The following CACNB2 variants were observed in gnomAD, a reference collection of about 807,000 sequenced individuals.
CACNB2 encodes the protein calcium voltage-gated channel auxiliary subunit beta 2.
A neutral mutation model predicts 73.3 loss-of-function variants in CACNB2; 42 were observed. The ratio of observed to expected loss-of-function variants is 0.57; its 90% CI spans 0.45 to 0.74. The LOEUF is 0.74. Ranked by LOEUF, CACNB2 falls within the 30% of genes least tolerant of loss-of-function variation. The probability of loss-of-function intolerance (pLI) is 0.00; values close to 1 mark genes in which losing one functional copy is unlikely to be tolerated. For missense variants in CACNB2, 940 were observed against 853.0 expected, an observed-to-expected ratio of 1.10 and a Z score of -1.27; for synonymous variants, 348 against 310.3, an observed-to-expected ratio of 1.12 and a Z score of -1.28.
At chr10:18,247,235 G>A (rs2036901240) in intron 2 of CACNB2, among the ~76,000 whole-genome samples, 1 of 152,128 alleles carries the variant, frequency 6.6e-6, no homozygotes, top group South Asian at 2.1e-4. Flanking sequence ...TTCCTCCCAT[G>A]CAGAGTTGTC....
At chr10:18,462,280 G>A (rs2047624541) in intron 3 of CACNB2, among the ~76,000 whole-genome samples, 1 of 152,308 alleles carries the variant, frequency 6.6e-6, no homozygotes, top group African/African-American at 2.4e-5. Flanking sequence ...TTGAGACAGC[G>A]TCTCACTCTG....
intron 1 of CACNB2, 28 bp from the exon 2 acceptor site, chr10:18,150,855 C>CTTTTTTTTTATTTTTTTTTTT: frequency 4.1e-6 from 2 of 483,392 alleles, no homozygotes; most frequent in Non-Finnish European, 3.1e-6. Flanking sequence ...TCTTATTTGT[C>CTTTTTTTTTATTTTTTTTTTT]TTTTTTTTTT....
intron 3 of CACNB2, among the ~76,000 whole-genome samples, chr10:18,477,790 A>G (rs979133034): frequency 3.9e-5 from 6 of 152,346 alleles, no homozygotes; most frequent in Middle Eastern, 3.4e-3. Flanking sequence ...CTTTACAAAG[A>G]TAAGATGGAC....
chr10:18,171,202 C>A (rs1394796495), intron 2 of CACNB2, among the ~76,000 whole-genome samples: 2 of 152,100 alleles, frequency 1.3e-5, no homozygotes, highest in Non-Finnish European at 2.9e-5. Context: ...GCATTAGGGT[C>A]TCTTCTAGCA....
At chr10:18,437,983 G>A (rs1406389591) in intron 3 of CACNB2, among the ~76,000 whole-genome samples, 2 of 149,442 alleles carry the variant, frequency 1.3e-5, no homozygotes, top group Non-Finnish European at 3.0e-5. Context: ...GGGGGTGTCG[G>A]GATACCTGGC....
At chr10:18,356,558 C>A (rs1332188788) in intron 2 of CACNB2, among the ~76,000 whole-genome samples, 6 of 152,152 alleles carry the variant, frequency 3.9e-5, no homozygotes, top group African/African-American at 1.2e-4. Flanking sequence ...TCACATCACC[C>A]AGTTTGCTTC....
At chr10:18,448,478 TTAAA>T (rs1274451155) in intron 3 of CACNB2, among the ~76,000 whole-genome samples, 5 of 45,890 alleles carry the variant, frequency 1.1e-4, no homozygotes, top group African/African-American at 4.4e-4. Context: ...TCTCTCTCAT[TTAAA>T]AAAAAAAAAA....
chr10:18,209,597 G>A (rs767100104), intron 2 of CACNB2, among the ~76,000 whole-genome samples: 9 of 152,014 alleles, frequency 5.9e-5, no homozygotes, highest in Non-Finnish European at 1.0e-4. Context: ...TTAAATATGT[G>A]TTGCTGGTTT....
intron 2 of CACNB2, among the ~76,000 whole-genome samples, chr10:18,371,467 T>A (rs572915205): frequency 1.3e-5 from 2 of 152,336 alleles, no homozygotes; most frequent in African/African-American, 4.8e-5. Flanking sequence ...GTTTGGTTTT[T>A]TTGTCCTTGC....
intron 2 of CACNB2, among the ~76,000 whole-genome samples, chr10:18,359,836 T>C (rs1053322216): frequency 6.6e-6 from 1 of 152,106 alleles, no homozygotes; most frequent in Non-Finnish European, 1.5e-5. Context: ...ATTTTAATTA[T>C]TGTACTTTGA....
intron 2 of CACNB2, among the ~76,000 whole-genome samples, chr10:18,209,468 C>T (rs578052617): frequency 3.9e-5 from 6 of 152,204 alleles, no homozygotes; most frequent in African/African-American, 1.4e-4. Context: ...CTTGCTTTTT[C>T]GTCAGCTGTG....
At chr10:18,489,934 G>C (rs1242910799) in intron 3 of CACNB2, among the ~76,000 whole-genome samples, 1 of 152,126 alleles carries the variant, frequency 6.6e-6, no homozygotes. Context: ...CTGGAGTGCA[G>C]TGGCGTGATC....
intron 2 of CACNB2, among the ~76,000 whole-genome samples, chr10:18,194,277 G>A (rs910448181): frequency 6.6e-6 from 1 of 152,100 alleles, no homozygotes; most frequent in African/African-American, 2.4e-5. Flanking sequence ...AATGAATGAC[G>A]GTGAAAATTA....
At chr10:18,326,851 C>T (rs1374522839) in intron 2 of CACNB2, among the ~76,000 whole-genome samples, 4 of 152,094 alleles carry the variant, frequency 2.6e-5, no homozygotes, top group Non-Finnish European at 5.9e-5. Flanking sequence ...TTCAGCCCTC[C>T]GAGTAGCTGG....
chr10:18,420,666 C>G (rs1274523051), intron 3 of CACNB2, among the ~76,000 whole-genome samples: 2 of 152,202 alleles, frequency 1.3e-5, no homozygotes, highest in East Asian at 3.9e-4. Flanking sequence ...CCCAAACACC[C>G]TCACAGACAT....
At chr10:18,416,968 G>A (rs1031781884) in intron 3 of CACNB2, among the ~76,000 whole-genome samples, 2 of 145,270 alleles carry the variant, frequency 1.4e-5, no homozygotes, top group African/African-American at 5.1e-5. Flanking sequence ...TTTTTTTAAT[G>A]TTCTTTCACC....
chr10:18,266,584 G>C (rs538230432), intron 2 of CACNB2, among the ~76,000 whole-genome samples: 1 of 151,818 alleles, frequency 6.6e-6, no homozygotes, highest in Admixed American at 6.6e-5. Flanking sequence ...GAATTGTCCC[G>C]ACAGTTAAAA....
intron 2 of CACNB2, among the ~76,000 whole-genome samples, chr10:18,187,748 C>T (rs993138730): frequency 1.3e-5 from 2 of 152,112 alleles, no homozygotes; most frequent in Non-Finnish European, 2.9e-5. Context: ...AGTTACTTAA[C>T]GTGGTGCATC....
chr10:18,443,016 A>G lies in CACNB2; in HGVS notation c.333+40973A>G, dbSNP rs71491147. Among the ~76,000 whole-genome samples, 20 of 60,108 alleles carry G rather than the reference A, an allele frequency of 3.3e-4. 2 individuals carry two copies. Among genetic ancestry groups the G allele is most frequent in the South Asian group, 5.0e-4 (1 of 2,006 alleles). The allele number at this position is 60,108 out of a possible 152,430, so 39.4% of individuals were successfully genotyped here. ...TATATATGTGTATATATATATATGT[A>G]TATATATATATATATATATAAATAA... is the stretch of plus-strand genomic sequence containing the variant. On this transcript the variant is annotated intron_variant, in intron 3 of 13. Coordinates refer to ENST00000324631, the MANE Select transcript of CACNB2 (RefSeq NM_201596.3).
Sources: allele counts gnomAD v4.1 joint callset (sites outside exome capture counted in the v4.1 genomes callset), GRCh38; gene constraint gnomAD v4.1.1; transcripts MANE v1.5; gene names NCBI Gene and HGNC (gene_info 2026-07-23, HGNC 2026-07-21).